The following FOCAD variants were observed in gnomAD, a reference collection of about 807,000 sequenced individuals.
The protein encoded by FOCAD is focadhesin.
A neutral mutation model predicts 225.6 loss-of-function variants in FOCAD; 198 were observed. The observed-to-expected ratio is 0.88, with a 90% CI of 0.78 to 0.99. The LOEUF is 0.99. Ranked by LOEUF, FOCAD falls within the 50% of genes least tolerant of loss-of-function variation. FOCAD has a pLI of 0.00. For synonymous variants in FOCAD, 897 were observed against 755.0 expected (o/e 1.19, Z -3.08); for missense variants, 2,713 against 2,123.6 (o/e 1.28, Z -5.46).
chr9:20,698,844 A>C (rs1318098507), intron 1 of FOCAD, among the ~76,000 whole-genome samples: 1 of 151,920 alleles, frequency 6.6e-6, no homozygotes, highest in Non-Finnish European at 1.5e-5. Flanking sequence ...GTCCATTAAT[A>C]CTTTTGCAAA....
At chr9:20,754,284 T>G (rs1287733910) in intron 5 of FOCAD, among the ~76,000 whole-genome samples, 1 of 152,220 alleles carries the variant, frequency 6.6e-6, no homozygotes, top group Non-Finnish European at 1.5e-5. Flanking sequence ...ATGCTTTAAT[T>G]ATAATTTTTT....
intron 1 of FOCAD, among the ~76,000 whole-genome samples, chr9:20,702,251 T>C (rs1324270286): frequency 6.6e-6 from 1 of 152,078 alleles, no homozygotes; most frequent in Non-Finnish European, 1.5e-5. Context: ...TAAAGGCATG[T>C]ACCACCATGC....
intron 1 of FOCAD, among the ~76,000 whole-genome samples, chr9:20,697,465 C>G (rs1823471328): frequency 6.6e-6 from 1 of 152,224 alleles, no homozygotes; most frequent in Non-Finnish European, 1.5e-5. Flanking sequence ...TGTAATCTCT[C>G]ACTGCCTAAC....
chr9:20,975,385 C>G (rs1270498040), intron 35 of FOCAD, among the ~76,000 whole-genome samples: 3 of 152,202 alleles, frequency 2.0e-5, no homozygotes, highest in Non-Finnish European at 4.4e-5. Context: ...AACTGATGGA[C>G]TAGCTGTTAC....
chr9:20,712,942 A>C (rs1295196110), intron 1 of FOCAD, among the ~76,000 whole-genome samples: 6 of 152,054 alleles, frequency 3.9e-5, no homozygotes, highest in African/African-American at 1.4e-4. Flanking sequence ...CATGTTGGCC[A>C]GGCTAGTCTC....
intron 2 of FOCAD, among the ~76,000 whole-genome samples, chr9:20,674,847 G>A (rs1195362292): frequency 6.6e-6 from 1 of 152,312 alleles, no homozygotes; most frequent in East Asian, 1.9e-4. Context: ...TGAAATTTAA[G>A]AAGCCTGATT....
chr9:20,970,470 T>A (rs1393336154), intron 35 of FOCAD, among the ~76,000 whole-genome samples: 2 of 152,110 alleles, frequency 1.3e-5, no homozygotes, highest in African/African-American at 2.4e-5. Context: ...TTAATCCCTC[T>A]AGTGAGTTTT....
At position 20,823,040 on chromosome 9, in the gene FOCAD, T is replaced by G; in HGVS notation, c.1845T>G (p.Asn615Lys). ...TGGCAGCTATTTCTCAAGTGTTGAATGAATGCACCAAGCCTGATCAAGCTA... is the reference window on the plus strand; with the variant it reads ...TGGCAGCTATTTCTCAAGTGTTGAAGGAATGCACCAAGCCTGATCAAGCTA... Reference protein sequence around the residue: ...DMLAAISQVLNECTKPDQATP... With the variant: ...DMLAAISQVLKECTKPDQATP... Residue 615 changes from asparagine to lysine, a missense_variant, in exon 15 of 44, where the codon AAT becomes AAG. Coordinates refer to ENST00000338382, the MANE Select transcript of FOCAD (RefSeq NM_001375567.1). 6.2e-7 allele frequency: 1 copy of G among 1,609,460 alleles called. No homozygotes were observed. The highest frequency in any genetic ancestry group is 8.5e-7 in the Non-Finnish European group (1 of 1,178,166).
intron 26 of FOCAD, among the ~76,000 whole-genome samples, chr9:20,928,247 A>T (rs1424460519): frequency 6.6e-6 from 1 of 152,064 alleles, no homozygotes; most frequent in African/African-American, 2.4e-5. Flanking sequence ...GAGGTTTTGC[A>T]TTACCATACT....
intron 4 of FOCAD, among the ~76,000 whole-genome samples, chr9:20,732,772 T>A (rs1407501246): frequency 6.6e-6 from 1 of 151,824 alleles, no homozygotes; most frequent in African/African-American, 2.4e-5. Context: ...ATGGGGGAAG[T>A]AGAGGGATTT....
chr9:20,708,336 A>C (rs1824556042), intron 1 of FOCAD, among the ~76,000 whole-genome samples: 1 of 152,250 alleles, frequency 6.6e-6, no homozygotes, highest in Admixed American at 6.5e-5. Context: ...AATAGTTAAT[A>C]AAATGTTAGA....
At chr9:20,970,132 C>G (rs536284586) in intron 35 of FOCAD, among the ~76,000 whole-genome samples, 1 of 151,994 alleles carries the variant, frequency 6.6e-6, no homozygotes, top group South Asian at 2.1e-4. Context: ...TCAAGATTTT[C>G]AGTCTTTGTC....
At chr9:20,753,237 C>G (rs907184689) in intron 5 of FOCAD, among the ~76,000 whole-genome samples, 2 of 150,998 alleles carry the variant, frequency 1.3e-5, no homozygotes, top group Non-Finnish European at 3.0e-5. Context: ...TGTCTTGTGC[C>G]AGTTTTCAAA....
chr9:20,824,305 G>T (rs1226225463), intron 15 of FOCAD, among the ~76,000 whole-genome samples: 2 of 151,946 alleles, frequency 1.3e-5, no homozygotes, highest in African/African-American at 2.4e-5. Context: ...AGAGAAGAAA[G>T]AATTCTAAAC....
chr9:20,666,378 T>C (rs1302249866), intron 2 of FOCAD, among the ~76,000 whole-genome samples: 1 of 152,054 alleles, frequency 6.6e-6, no homozygotes, highest in Non-Finnish European at 1.5e-5. Context: ...GAGACCAACC[T>C]GGGCAACACG....
At chr9:20,847,002 C>G (rs1031679866) in intron 15 of FOCAD, among the ~76,000 whole-genome samples, 1 of 152,140 alleles carries the variant, frequency 6.6e-6, no homozygotes, top group Admixed American at 6.6e-5. Context: ...CTAGATTTCT[C>G]TGATTCCAAA....
At chr9:20,839,944 A>C (rs1826352678) in intron 15 of FOCAD, among the ~76,000 whole-genome samples, 1 of 152,092 alleles carries the variant, frequency 6.6e-6, no homozygotes, top group South Asian at 2.1e-4. Flanking sequence ...TGTTCTTGGC[A>C]TCTTTGTCAA....
At chr9:20,670,787 T>C (rs1822042670) in intron 2 of FOCAD, among the ~76,000 whole-genome samples, 1 of 152,154 alleles carries the variant, frequency 6.6e-6, no homozygotes, top group South Asian at 2.1e-4. Flanking sequence ...TTGGTTAACG[T>C]CTGAAATTTG....
At chr9:20,860,657 T>C (rs1269258944) in intron 15 of FOCAD, among the ~76,000 whole-genome samples, 1 of 152,034 alleles carries the variant, frequency 6.6e-6, no homozygotes, top group Non-Finnish European at 1.5e-5. Context: ...GGCTGGGGCA[T>C]ATGCCTCCAC....
Sources: allele counts gnomAD v4.1 joint callset (sites outside exome capture counted in the v4.1 genomes callset), GRCh38; gene constraint gnomAD v4.1.1; transcripts MANE v1.5; gene names NCBI Gene and HGNC (gene_info 2026-07-23, HGNC 2026-07-21).